Variants in VPS13A observed in about 807,000 individuals in gnomAD.
The protein encoded by VPS13A is vacuolar protein sorting 13 homolog A, also known as intermembrane lipid transfer protein VPS13A.
VPS13A carries 264 observed loss-of-function variants against 390.9 expected under a neutral mutation model. The ratio of observed to expected loss-of-function variants is 0.68; its 90% confidence interval spans 0.61 to 0.75. The LOEUF (loss-of-function observed/expected upper bound fraction) is 0.75. Among genes scored for constraint, VPS13A ranks in the 30% least tolerant of loss-of-function variants. The pLI, the probability that VPS13A is intolerant of heterozygous loss-of-function variation, is 0.00. For missense variants in VPS13A, 3,409 were observed against 3,733.9 expected, an observed-to-expected ratio of 0.91 and a Z score of 2.27; for synonymous variants, 1,231 against 1,227.1, an observed-to-expected ratio of 1.00 and a Z score of -0.07.
intron 67 of VPS13A, among the ~76,000 whole-genome samples, chr9:77,375,641 A>T (rs1160794822): frequency 6.6e-6 from 1 of 152,250 alleles, no homozygotes; most frequent in African/African-American, 2.4e-5. Flanking sequence ...ACAAAACTGT[A>T]AGAACTTTTC....
chr9:77,350,032 ATTGTC>A (rs1364955589), intron 52 of VPS13A, among the ~76,000 whole-genome samples: 1 of 152,010 alleles, frequency 6.6e-6, no homozygotes, highest in Non-Finnish European at 1.5e-5. Flanking sequence ...TTTGTAGTAT[ATTGTC>A]TTCTAATGAT....
intron 2 of VPS13A, among the ~76,000 whole-genome samples, chr9:77,201,075 A>C (rs576252957): frequency 7.9e-5 from 12 of 152,130 alleles, no homozygotes; most frequent in Non-Finnish European, 1.8e-4. Context: ...TCTTTTTCTT[A>C]AAATAATATA....
intron 8 of VPS13A, 91 bp downstream of exon 8, chr9:77,213,119 T>G (rs998694937): frequency 1.9e-6 from 3 of 1,557,612 alleles, no homozygotes; most frequent in Admixed American, 1.7e-5. Context: ...ATGTGAATTT[T>G]GCTTATTTGT....
At chr9:77,202,964 C>G (rs1342748236) in intron 3 of VPS13A, among the ~76,000 whole-genome samples, 2 of 152,060 alleles carry the variant, frequency 1.3e-5, no homozygotes, top group African/African-American at 2.4e-5. Flanking sequence ...GTATCCTCAC[C>G]ACTTAGCACA....
intron 68 of VPS13A, among the ~76,000 whole-genome samples, chr9:77,393,516 C>T (rs117978166): frequency 2.0e-5 from 3 of 152,222 alleles, no homozygotes; most frequent in Non-Finnish European, 4.4e-5. Context: ...TGTGGCAGCC[C>T]AACAAAATGT....
In VPS13A at chr9:77,416,193, G is replaced by T. The variant is rs941996419; in HGVS notation, c.*187G>T. On this transcript the variant is annotated 3_prime_UTR_variant, in exon 72 of 72. Transcript: ENST00000360280. ...AACCAGAATCAGGTAAAACAGCTATGTGATTAAAATATTTTAATTCTTCAG... is the reference window on the plus strand; with the variant it reads ...AACCAGAATCAGGTAAAACAGCTATTTGATTAAAATATTTTAATTCTTCAG... 2.5e-5 allele frequency: 15 copies of T among 598,792 alleles called. No individual in the cohort carries two copies. The highest frequency in any genetic ancestry group is 6.1e-5 in the South Asian group (3 of 48,802). 37.1% of individuals were successfully genotyped at this position (598,792 alleles called of 1,614,324 possible).
intron 3 of VPS13A, among the ~76,000 whole-genome samples, chr9:77,204,317 T>C (rs1289114439): frequency 6.6e-6 from 1 of 152,154 alleles, no homozygotes; most frequent in African/African-American, 2.4e-5. Flanking sequence ...ATTCTCAAGA[T>C]ACAAAACTAG....
rs755528517 is a variant in VPS13A at position 77,303,084 on chromosome 9, T to C, written c.3960+22T>C. On this transcript the variant is annotated intron_variant, in intron 34 of 71. Coordinates refer to ENST00000360280, the MANE Select transcript of VPS13A (RefSeq NM_033305.3). ...GGAGGTAACTTTTTTTGGATACTTA[T>C]CAATTTTTGTTTTGCTTGTTGAAAA... The C allele has an allele frequency of 1.9e-5, 30 of 1,613,546 alleles. No homozygotes were observed. The Middle Eastern group carries it at 4.9e-4, about 27-fold the overall frequency.
At chr9:77,255,965 T>TC (rs767572540) in intron 22 of VPS13A, among the ~76,000 whole-genome samples, 22 of 152,074 alleles carry the variant, frequency 1.4e-4, no homozygotes, top group Non-Finnish European at 2.6e-4. Context: ...TTGATTTTTT[T>TC]CTCTATTGTT....
In VPS13A at chr9:77,177,677, G is replaced by A. The variant is rs754407073; in HGVS notation, c.-28G>A. The stretch of plus-strand genomic sequence containing the variant: ...GGCGGGAGGAGGAGCGCACGGGCCG[G>A]CTGCCGTGCCCACCACGGCTGAGGA... On this transcript the variant is annotated 5_prime_UTR_variant, in exon 1 of 72. Coordinates refer to ENST00000360280, the MANE Select transcript of VPS13A (RefSeq NM_033305.3). 1.3e-6 allele frequency: 2 copies of A among 1,598,948 alleles called. No homozygotes were observed. Among genetic ancestry groups the A allele is most frequent in the African/African-American group, 1.3e-5 (1 of 74,682 alleles).
chr9:77,388,630 AATTGT>A (rs1833787241), intron 68 of VPS13A, among the ~76,000 whole-genome samples: 1 of 152,128 alleles, frequency 6.6e-6, no homozygotes, highest in African/African-American at 2.4e-5. Flanking sequence ...ATTTCTCCTG[AATTGT>A]ATTATGCTAT....
At chr9:77,199,739 C>T (rs1021809571) in intron 1 of VPS13A, among the ~76,000 whole-genome samples, 3 of 151,256 alleles carry the variant, frequency 2.0e-5, no homozygotes, top group African/African-American at 7.3e-5. Context: ...TCAAAAGATA[C>T]AATTAGTGAA....
intron 9 of VPS13A, 114 bp from the exon 10 acceptor site, chr9:77,214,215 G>T (rs1822712228): frequency 3.6e-6 from 3 of 840,704 alleles, no homozygotes; most frequent in Non-Finnish European, 6.1e-6. Flanking sequence ...GACAGGGGTT[G>T]CAGTGAGCTG....
chr9:77,245,048 T>A (rs1824728365), intron 19 of VPS13A, among the ~76,000 whole-genome samples: 1 of 152,100 alleles, frequency 6.6e-6, no homozygotes, highest in Non-Finnish European at 1.5e-5. Context: ...GGAGGGATGT[T>A]AAAGATGCAT....
At chr9:77,234,733 C>T (rs1220955148) in intron 17 of VPS13A, among the ~76,000 whole-genome samples, 1 of 152,042 alleles carries the variant, frequency 6.6e-6, no homozygotes. Context: ...ACCTTCTGTA[C>T]CCTCAGTTCC....
chr9:77,358,258 C>T (rs985572214), intron 56 of VPS13A, 99 bp from the exon 57 acceptor site: 69 of 1,108,566 alleles, frequency 6.2e-5, no homozygotes, highest in Non-Finnish European at 8.5e-5. Flanking sequence ...GCTTGGTCAC[C>T]GCTAGACTTT....
At position 77,356,867 on chromosome 9, in the gene VPS13A, G is replaced by A. The variant is rs745464654; in HGVS notation, c.7806G>A (p.Pro2602=). Residue 2602 remains proline, a splice_region_variant and synonymous_variant, in exon 55 of 72, where the codon CCG becomes CCA. Coordinates refer to ENST00000360280, the MANE Select transcript of VPS13A (RefSeq NM_033305.3). Reference sequence around the variant, plus strand: ...TTATTCAGTTGGACACTAATGTTCCGGTAATATTTTTAAGTACTGATGTGA... The same window carrying A: ...TTATTCAGTTGGACACTAATGTTCCAGTAATATTTTTAAGTACTGATGTGA... ...DKVIQLDTNV[P]VRLTPTGHNM... is the part of the protein sequence containing the mutation. 2.5e-6 allele frequency: 4 copies of A among 1,613,428 alleles called. No individual in the cohort carries two copies. Among genetic ancestry groups the A allele is most frequent in the African/African-American group, 1.3e-5 (1 of 75,016 alleles).
chr9:77,217,472 CCTTT>C (rs1246010063), intron 10 of VPS13A, among the ~76,000 whole-genome samples: 2 of 152,150 alleles, frequency 1.3e-5, no homozygotes, highest in African/African-American at 4.8e-5. Context: ...CATTTCTCTA[CCTTT>C]CTGAGTCTCC....
intron 47 of VPS13A, 80 bp downstream of exon 47, chr9:77,337,617 A>G: frequency 7.1e-7 from 1 of 1,405,268 alleles, no homozygotes. Context: ...AATAAAAACT[A>G]TTTTAAAGAT....
Sources: gnomAD v4.1 joint callset for allele counts (sites outside exome capture counted in the v4.1 genomes callset) on GRCh38, gnomAD v4.1.1 for gene constraint, MANE v1.5 for transcripts, NCBI Gene and HGNC (gene_info 2026-07-23, HGNC 2026-07-21) for gene names.